ANKHD1: variants seen among roughly 807,000 people sequenced by gnomAD.
The protein encoded by ANKHD1 is ankyrin repeat and KH domain-containing protein 1.
A neutral mutation model predicts 230.5 loss-of-function variants in ANKHD1; 31 were observed. That is an observed-to-expected ratio of 0.13 (90% CI 0.10 to 0.18). The LOEUF is 0.18. Among genes scored for constraint, ANKHD1 ranks in the 10% least tolerant of loss-of-function variants. The pLI, the probability that ANKHD1 is intolerant of heterozygous loss-of-function variation, is 1.00. For synonymous variants in ANKHD1, 1,074 were observed against 1,117.6 expected, an observed-to-expected ratio of 0.96 and a Z score of 0.78; for missense variants, 2,256 against 3,071.3, an observed-to-expected ratio of 0.73 and a Z score of 6.27.
chr5:140,454,607 T>C (rs1775018057), intron 7 of ANKHD1, among the ~76,000 whole-genome samples: 1 of 152,186 alleles, frequency 6.6e-6, no homozygotes, highest in Non-Finnish European at 1.5e-5. Context: ...TGCTCCTGAA[T>C]GACTACTGGG....
rs560401104 is a variant in ANKHD1, at chr5:140,523,588, T to A, written c.4318-478T>A. Among the ~76,000 whole-genome samples the A allele has an allele frequency of 3.8e-4, 58 of 151,254 alleles. 1 individual carries two copies. In the South Asian group the frequency reaches 0.012, roughly 31 times the overall value. ...TACTTTTTTTTTTTTTTTGAGACAG[T>A]CTCACTCTGTCACCCAGGCTGGAGT... On this transcript the variant is annotated intron_variant, in intron 24 of 33. Transcript: ENST00000360839.
intron 30 of ANKHD1, 150 bp downstream of exon 30, chr5:140,535,688 G>C: frequency 8.9e-7 from 1 of 1,126,054 alleles, no homozygotes; most frequent in Non-Finnish European, 1.2e-6. Flanking sequence ...AAAATTGTCA[G>C]TCATTTTTAG....
intron 24 of ANKHD1, among the ~76,000 whole-genome samples, chr5:140,517,091 G>T (rs1374115435): frequency 6.8e-6 from 1 of 147,272 alleles, no homozygotes; most frequent in Non-Finnish European, 1.5e-5. Flanking sequence ...AAGGATGGAG[G>T]AAGATCTACC....
intron 9 of ANKHD1, among the ~76,000 whole-genome samples, chr5:140,462,145 A>G (rs1775744912): frequency 6.6e-6 from 1 of 150,544 alleles, no homozygotes; most frequent in African/African-American, 2.4e-5. Context: ...AGATCTAGAG[A>G]CTTTATTGTA....
chr5:140,418,138 A>G (rs1221295372), intron 1 of ANKHD1, among the ~76,000 whole-genome samples: 1 of 147,262 alleles, frequency 6.8e-6, no homozygotes, highest in Non-Finnish European at 1.5e-5. Context: ...CACCGGGTCC[A>G]GCCTTCTTTT....
intron 14 of ANKHD1, among the ~76,000 whole-genome samples, chr5:140,490,184 T>A (rs1194649615): frequency 1.3e-5 from 2 of 152,188 alleles, no homozygotes. Flanking sequence ...TGATTAGGGA[T>A]GGACAAAGGG....
Position 140,507,938 on chromosome 5 carries a change from C to T in ANKHD1, c.3705C>T (p.Gly1235=). ...NTALTLACFQ[G]RAEVVSLLLD... ...CTCTCACCCTGGCCTGTTTCCAGGG[C>T]CGAGCAGAAGTAGTGAGTTTGCTTC... The change falls in exon 20 of 34, where the codon GGC becomes GGT. Residue 1235 remains glycine, a synonymous_variant. Transcript: ENST00000360839. The surrounding 1 kb of genome is among the most constrained non-coding windows in gnomAD (Gnocchi z 4.1). The T allele has an allele frequency of 6.2e-7, 1 of 1,613,972 alleles. No individual in the cohort carries two copies. The highest frequency in any genetic ancestry group is 8.5e-7 in the Non-Finnish European group (1 of 1,179,920).
intron 10 of ANKHD1, among the ~76,000 whole-genome samples, chr5:140,465,605 A>G (rs1397217046): frequency 6.6e-6 from 1 of 152,178 alleles, no homozygotes; most frequent in East Asian, 1.9e-4. Context: ...AGTTTTGCTT[A>G]TTTAGAAAAA....
intron 1 of ANKHD1, among the ~76,000 whole-genome samples, chr5:140,408,868 A>G (rs1330070455): frequency 6.6e-6 from 1 of 152,112 alleles, no homozygotes; most frequent in African/African-American, 2.4e-5. Flanking sequence ...ACAGGGGACT[A>G]TAGGTGTGCA....
At chr5:140,429,612 G>T (rs959569993) in intron 1 of ANKHD1, among the ~76,000 whole-genome samples, 16 of 152,024 alleles carry the variant, frequency 1.1e-4, no homozygotes, top group Admixed American at 2.6e-4. Context: ...CAGGACTAGA[G>T]AATACATAAA....
intron 24 of ANKHD1, among the ~76,000 whole-genome samples, chr5:140,517,643 A>G (rs1753094204): frequency 8.1e-6 from 1 of 124,046 alleles, no homozygotes. Context: ...ATCTCACTCA[A>G]AACCGCTCAA....
At chr5:140,533,775 CA>C (rs1167136822) in intron 29 of ANKHD1, among the ~76,000 whole-genome samples, 957 of 29,664 alleles carry the variant, frequency 0.032, 2 homozygotes, top group African/African-American at 0.058. Flanking sequence ...GACCCTGTCT[CA>C]AAAAAAAAAA....
At chr5:140,465,415 A>G (rs2126981887) in intron 10 of ANKHD1, among the ~76,000 whole-genome samples, 1 of 152,300 alleles carries the variant, frequency 6.6e-6, no homozygotes, top group South Asian at 2.1e-4. Flanking sequence ...ATCTATATAA[A>G]AATAATATTC....
Position 140,507,254 on chromosome 5 carries a change from A to T in ANKHD1, c.3551+277A>T, listed in dbSNP as rs6871703. Among the ~76,000 whole-genome samples, 3 of 152,174 alleles carry T rather than the reference A, an allele frequency of 2.0e-5. No individual in the cohort carries two copies. The highest frequency in any genetic ancestry group is 7.2e-5 in the African/African-American group (3 of 41,502). ...CATCTGATCTCAGAAACGGTATTTT[A>T]TTTTATATAGTTGGAAATTTATAAT... On this transcript the variant is annotated intron_variant, in intron 19 of 33. Coordinates refer to ENST00000360839, the MANE Select transcript of ANKHD1 (RefSeq NM_017747.3). This position sits in a 1 kb window ranked among gnomAD's most constrained non-coding sequence, Gnocchi z 4.1.
intron 10 of ANKHD1, among the ~76,000 whole-genome samples, chr5:140,477,647 C>A (rs910937772): frequency 6.6e-6 from 1 of 152,190 alleles, no homozygotes; most frequent in African/African-American, 2.4e-5. Flanking sequence ...GAGTCTCACT[C>A]TGTCACCAGG....
In ANKHD1 at chr5:140,489,205, C is replaced by A. The variant is rs1050825440; in HGVS notation, c.2245+2145C>A. Among the ~76,000 whole-genome samples the A allele has an allele frequency of 2.9e-3, 429 of 149,452 alleles. 2 individuals carry two copies. Among genetic ancestry groups the A allele is most frequent in the Non-Finnish European group, 4.4e-3 (299 of 67,332 alleles). The stretch of plus-strand genomic sequence containing the variant: ...ACCTTGTCTCCAAAAAAAAAAAAAA[C>A]CAGAAAAAGAAAAAAAATTAGGCTA... On this transcript the variant is annotated intron_variant, in intron 14 of 33. Coordinates refer to ENST00000360839, the MANE Select transcript of ANKHD1 (RefSeq NM_017747.3).
chr5:140,408,275 T>A (rs919437662), intron 1 of ANKHD1, among the ~76,000 whole-genome samples: 2 of 152,200 alleles, frequency 1.3e-5, no homozygotes, highest in African/African-American at 4.8e-5. Context: ...AAAGTGCTTC[T>A]TCCCACCCCC....
At chr5:140,422,125 G>A (rs1193359497) in intron 1 of ANKHD1, among the ~76,000 whole-genome samples, 1 of 152,080 alleles carries the variant, frequency 6.6e-6, no homozygotes, top group Non-Finnish European at 1.5e-5. Context: ...GTATTTTAGA[G>A]TGGATTGATT....
intron 8 of ANKHD1, 43 bp downstream of exon 8, chr5:140,458,905 G>A (rs754790793): frequency 1.4e-6 from 2 of 1,479,476 alleles, no homozygotes; most frequent in Non-Finnish European, 1.8e-6. Flanking sequence ...GTTTTCTTTG[G>A]ATGTTTTGTG....
Sources: gnomAD v4.1 joint callset for allele counts (sites outside exome capture counted in the v4.1 genomes callset) on GRCh38, gnomAD v4.1.1 for gene constraint, Gnocchi (gnomAD v3.1) non-coding constraint, MANE v1.5 for transcripts, NCBI Gene and HGNC (gene_info 2026-07-23, HGNC 2026-07-21) for gene names.